The following AGMO variants were observed in gnomAD, a reference collection of about 807,000 sequenced individuals.
AGMO encodes the protein glyceryl-ether monooxygenase.
In AGMO, 75 loss-of-function variants were observed where a neutral mutation model predicts 60.2. The observed-to-expected ratio is 1.25, with a 90% CI of 1.03 to 1.51. The LOEUF (loss-of-function observed/expected upper bound fraction) is 1.51, where lower values mean the gene tolerates loss of function less well. Ranked by LOEUF, AGMO falls within the 40% of genes most tolerant of loss-of-function variation. The pLI is 0.00. For missense variants in AGMO, 763 were observed against 525.5 expected (o/e 1.45, Z -4.42); for synonymous variants, 261 against 177.1 (o/e 1.47, Z -3.76).
intron 5 of AGMO, among the ~76,000 whole-genome samples, chr7:15,412,996 T>C (rs2128492818): frequency 6.6e-6 from 1 of 152,202 alleles, no homozygotes; most frequent in African/African-American, 2.4e-5. Flanking sequence ...GCGATTCATA[T>C]CAAGTAAAAT....
chr7:15,253,950 T>G (rs373332751), intron 12 of AGMO, among the ~76,000 whole-genome samples: 3 of 147,996 alleles, frequency 2.0e-5, no homozygotes, highest in African/African-American at 5.0e-5. Flanking sequence ...TTGTGTAGTA[T>G]TTTTTTTTTC....
intron 10 of AGMO, among the ~76,000 whole-genome samples, chr7:15,374,085 G>T (rs930995912): frequency 3.3e-5 from 5 of 152,198 alleles, no homozygotes; most frequent in African/African-American, 1.2e-4. Context: ...AAGGCTTGAA[G>T]ATGCTTCTCA....
At chr7:15,193,750 C>T in the AGMO span, among the ~76,000 whole-genome samples, 2 of 152,122 alleles carry the variant, frequency 1.3e-5, no homozygotes, top group Non-Finnish European at 2.9e-5. Context: ...CAGAGTCTAC[C>T]ATAAAGTTCA....
chr7:15,312,208 G>C (rs1186167414), intron 12 of AGMO, among the ~76,000 whole-genome samples: 2 of 152,036 alleles, frequency 1.3e-5, no homozygotes, highest in Admixed American at 1.3e-4. Context: ...AATATCAGAA[G>C]AGTAAAAAGC....
At chr7:15,132,139 C>G in the AGMO span, among the ~76,000 whole-genome samples, 1 of 151,988 alleles carries the variant, frequency 6.6e-6, no homozygotes, top group Non-Finnish European at 1.5e-5. Context: ...GGAATTATTA[C>G]CTGGAGGACA....
chr7:15,150,131 C>T, the AGMO span, among the ~76,000 whole-genome samples: 1 of 152,086 alleles, frequency 6.6e-6, no homozygotes, highest in African/African-American at 2.4e-5. Context: ...CATAGAAATG[C>T]TACTGATTTT....
At chr7:15,494,225 T>C (rs1246173814) in intron 3 of AGMO, among the ~76,000 whole-genome samples, 1 of 152,124 alleles carries the variant, frequency 6.6e-6, no homozygotes, top group Non-Finnish European at 1.5e-5. Flanking sequence ...CTCTACTAAG[T>C]TTTAATTTGA....
At chr7:15,187,773 G>A in the AGMO span, among the ~76,000 whole-genome samples, 22 of 152,200 alleles carry the variant, frequency 1.4e-4, no homozygotes, top group African/African-American at 5.1e-4. Context: ...GTAGAGGGGA[G>A]GAGAAGAGTC....
intron 3 of AGMO, among the ~76,000 whole-genome samples, chr7:15,489,834 A>G (rs1233519340): frequency 3.9e-5 from 6 of 152,216 alleles, no homozygotes; most frequent in Non-Finnish European, 7.4e-5. Flanking sequence ...AGATGAAGAT[A>G]TAGAGTTTAA....
At chr7:15,162,402 A>G in the AGMO span, among the ~76,000 whole-genome samples, 2 of 152,146 alleles carry the variant, frequency 1.3e-5, no homozygotes, top group Non-Finnish European at 2.9e-5. Context: ...ATTAGAAATA[A>G]TCAAAGGTGA....
intron 12 of AGMO, among the ~76,000 whole-genome samples, chr7:15,355,189 A>G (rs1782475708): frequency 6.6e-6 from 1 of 152,110 alleles, no homozygotes; most frequent in Non-Finnish European, 1.5e-5. Flanking sequence ...CTTAAAATTA[A>G]AACAGTAAAT....
chr7:15,382,605 AG>A (rs1308837207), intron 10 of AGMO, among the ~76,000 whole-genome samples: 2 of 152,188 alleles, frequency 1.3e-5, no homozygotes, highest in African/African-American at 4.8e-5. Context: ...AAAAGCTGTA[AG>A]GGCAGGATGA....
At chr7:15,389,933 A>C (rs1019501563) in intron 8 of AGMO, among the ~76,000 whole-genome samples, 1 of 152,204 alleles carries the variant, frequency 6.6e-6, no homozygotes, top group Non-Finnish European at 1.5e-5. Flanking sequence ...AGCTGACCCA[A>C]CATGAGCCAG....
intron 12 of AGMO, among the ~76,000 whole-genome samples, chr7:15,228,565 A>C (rs1038974357): frequency 6.6e-6 from 1 of 152,174 alleles, no homozygotes; most frequent in Admixed American, 6.6e-5. Flanking sequence ...AGAATCACAT[A>C]TTGCAAATGC....
chr7:15,270,154 T>C (rs1373555627), intron 12 of AGMO, among the ~76,000 whole-genome samples: 1 of 152,088 alleles, frequency 6.6e-6, no homozygotes, highest in Admixed American at 6.6e-5. Context: ...GTTCAAATGG[T>C]AGTTCTATTT....
intron 10 of AGMO, among the ~76,000 whole-genome samples, chr7:15,374,443 G>T (rs542733039): frequency 9.9e-5 from 15 of 152,044 alleles, no homozygotes; most frequent in South Asian, 8.3e-4. Flanking sequence ...ACAAAAAATT[G>T]TAAGAAATAA....
In AGMO at chr7:15,459,026, C is replaced by T. The variant is rs112475408; in HGVS notation, c.410-27918G>A. On this transcript the variant is annotated intron_variant, in intron 3 of 12. Transcript: ENST00000342526. ...TAGTTCAATCTAATGCATATAGAAC[C>T]CCTATAAACATATTTGATAATCTGC... 8.4e-4 allele frequency among the ~76,000 whole-genome samples: 127 copies of T among 152,064 alleles called. No homozygotes were observed. The Middle Eastern group carries it at 0.017, about 20-fold the overall frequency.
chr7:15,301,569 A>T (rs1312338434), intron 12 of AGMO, among the ~76,000 whole-genome samples: 1 of 152,162 alleles, frequency 6.6e-6, no homozygotes, highest in African/African-American at 2.4e-5. Context: ...CCAATACAAT[A>T]AGTGGTAATT....
chr7:15,474,113 T>A (rs562495768), intron 3 of AGMO, among the ~76,000 whole-genome samples: 233 of 152,224 alleles, frequency 1.5e-3, no homozygotes, highest in African/African-American at 5.3e-3. Flanking sequence ...ATTGTGAAAA[T>A]GGCTATACTG....
Sources: allele counts gnomAD v4.1 joint callset (sites outside exome capture counted in the v4.1 genomes callset), GRCh38; gene constraint gnomAD v4.1.1; transcripts MANE v1.5; gene names NCBI Gene and HGNC (gene_info 2026-07-23, HGNC 2026-07-21).